The following CAMK2D variants were observed in gnomAD, a reference collection of about 807,000 sequenced individuals.
CAMK2D encodes the protein calcium/calmodulin-dependent protein kinase type II subunit delta.
Under a neutral mutation model 84.0 loss-of-function variants are expected in CAMK2D, and 37 were observed. The ratio of observed to expected loss-of-function variants is 0.44; its 90% CI spans 0.34 to 0.58. The LOEUF (loss-of-function observed/expected upper bound fraction) is 0.58. Among genes scored for constraint, CAMK2D ranks in the 20% least tolerant of loss-of-function variants. CAMK2D has a pLI of 0.02. For missense variants in CAMK2D, 448 were observed against 652.5 expected, an observed-to-expected ratio of 0.69 and a Z score of 3.41; for synonymous variants, 202 against 212.5, an observed-to-expected ratio of 0.95 and a Z score of 0.43.
chr4:113,753,597 ACTGG>A, intron 2 of CAMK2D: 1 of 168,254 alleles, frequency 5.9e-6, no homozygotes, highest in Non-Finnish European at 1.2e-5. Context: ...AAATCTCTCA[ACTGG>A]AATTAGAGGA....
At chr4:113,707,395 G>C (rs143744906) in intron 2 of CAMK2D, among the ~76,000 whole-genome samples, 1 of 152,262 alleles carries the variant, frequency 6.6e-6, no homozygotes, top group African/African-American at 2.4e-5. Context: ...TAATGTTCTA[G>C]AAATATATGG....
intron 4 of CAMK2D, among the ~76,000 whole-genome samples, chr4:113,600,906 G>C (rs2098949300): frequency 6.6e-6 from 1 of 152,070 alleles, no homozygotes; most frequent in Non-Finnish European, 1.5e-5. Context: ...AAGTGCTGAG[G>C]TTACAAGCAT....
intron 12 of CAMK2D, among the ~76,000 whole-genome samples, chr4:113,510,870 C>G (rs1472026280): frequency 6.6e-6 from 1 of 150,992 alleles, no homozygotes; most frequent in Non-Finnish European, 1.5e-5. Flanking sequence ...AGCAACACAG[C>G]TATTAATTTA....
chr4:113,745,113 A>G (rs2099601365), intron 2 of CAMK2D, among the ~76,000 whole-genome samples: 1 of 152,214 alleles, frequency 6.6e-6, no homozygotes, highest in South Asian at 2.1e-4. Flanking sequence ...GCTACCAAGT[A>G]ACATCATAGA....
At chr4:113,476,623 T>A (rs2097626245) in intron 16 of CAMK2D, among the ~76,000 whole-genome samples, 1 of 152,164 alleles carries the variant, frequency 6.6e-6, no homozygotes, top group East Asian at 1.9e-4. Context: ...AGAATTATGG[T>A]AGAGTCTTGA....
intron 4 of CAMK2D, among the ~76,000 whole-genome samples, chr4:113,559,259 G>A (rs17592503): frequency 0.036 from 5,535 of 152,078 alleles, 345 homozygotes; most frequent in East Asian, 0.2. Context: ...ATTGGAATTC[G>A]GTAAGCCTAT....
At chr4:113,648,980 C>T (rs1182059677) in intron 3 of CAMK2D, among the ~76,000 whole-genome samples, 1 of 152,148 alleles carries the variant, frequency 6.6e-6, no homozygotes, top group Non-Finnish European at 1.5e-5. Flanking sequence ...TTTTTTCCTC[C>T]TTTGTTGCCT....
intron 16 of CAMK2D, among the ~76,000 whole-genome samples, chr4:113,477,031 G>A (rs982235292): frequency 3.3e-5 from 5 of 152,096 alleles, no homozygotes; most frequent in Admixed American, 3.3e-4. Context: ...TCTCAGAGAG[G>A]CAGATTTCAG....
chr4:113,717,406 C>T (rs1484910497), intron 2 of CAMK2D, among the ~76,000 whole-genome samples: 1 of 151,892 alleles, frequency 6.6e-6, no homozygotes, highest in East Asian at 1.9e-4. Context: ...TTACAGGAAC[C>T]TTTTGGATAA....
intron 3 of CAMK2D, among the ~76,000 whole-genome samples, chr4:113,649,447 G>A (rs374037168): frequency 2.6e-5 from 4 of 152,022 alleles, no homozygotes; most frequent in East Asian, 1.9e-4. Context: ...ATTCAAGTGC[G>A]ACAAAGACTT....
At chr4:113,617,998 C>T (rs1365056003) in intron 3 of CAMK2D, among the ~76,000 whole-genome samples, 1 of 151,956 alleles carries the variant, frequency 6.6e-6, no homozygotes, top group Non-Finnish European at 1.5e-5. Context: ...ATTTTTTATA[C>T]TCTAGCTCAC....
At chr4:113,618,567 T>A (rs2099031370) in intron 3 of CAMK2D, among the ~76,000 whole-genome samples, 1 of 152,192 alleles carries the variant, frequency 6.6e-6, no homozygotes, top group South Asian at 2.1e-4. Flanking sequence ...TTTAAAATCC[T>A]AATACATGTT....
chr4:113,609,213 A>G lies in CAMK2D; in HGVS notation c.221-7T>C. The G allele has an allele frequency of 6.5e-7, 1 of 1,549,838 alleles. No individual in the cohort carries two copies. Reference sequence around the variant, plus strand: ...ATGCTATCATGAAGTCGCACTAGAAAAAAATAAGAGAAGAAAAATTGTGTT... The same window carrying G: ...ATGCTATCATGAAGTCGCACTAGAAGAAAATAAGAGAAGAAAAATTGTGTT... On this transcript the variant is annotated splice_region_variant and splice_polypyrimidine_tract_variant and intron_variant, in intron 3 of 20. Transcript: ENST00000511664.
intron 3 of CAMK2D, among the ~76,000 whole-genome samples, chr4:113,645,118 G>A (rs1347811370): frequency 6.6e-6 from 1 of 152,108 alleles, no homozygotes; most frequent in Non-Finnish European, 1.5e-5. Flanking sequence ...CCGGGTTCAC[G>A]CCATTCTCCT....
intron 4 of CAMK2D, among the ~76,000 whole-genome samples, chr4:113,583,386 G>C (rs548179393): frequency 6.6e-6 from 1 of 152,238 alleles, no homozygotes; most frequent in African/African-American, 2.4e-5. Flanking sequence ...CCACTAAGAA[G>C]AGATTAAAAA....
intron 2 of CAMK2D, among the ~76,000 whole-genome samples, chr4:113,741,744 T>C (rs1180211456): frequency 6.6e-6 from 1 of 152,146 alleles, no homozygotes; most frequent in African/African-American, 2.4e-5. Flanking sequence ...ATTCCTTAAC[T>C]TGGCTAAAAG....
chr4:113,605,737 A>G (rs1018518149), intron 4 of CAMK2D, among the ~76,000 whole-genome samples: 1 of 152,192 alleles, frequency 6.6e-6, no homozygotes, highest in African/African-American at 2.4e-5. Context: ...TCACCTAGCC[A>G]TAAGGAACCA....
At chr4:113,472,256 G>A (rs1366015857) in intron 16 of CAMK2D, among the ~76,000 whole-genome samples, 11 of 152,134 alleles carry the variant, frequency 7.2e-5, no homozygotes, top group Non-Finnish European at 4.4e-5. Context: ...TATATGGTTA[G>A]ACAATATATA....
intron 16 of CAMK2D, among the ~76,000 whole-genome samples, chr4:113,478,850 G>C (rs1347868139): frequency 1.3e-5 from 2 of 151,940 alleles, no homozygotes; most frequent in Non-Finnish European, 2.9e-5. Context: ...TTGTACAATT[G>C]TAAAAAAAAT....
Sources: allele counts gnomAD v4.1 joint callset (sites outside exome capture counted in the v4.1 genomes callset), GRCh38; gene constraint gnomAD v4.1.1; transcripts MANE v1.5; gene names NCBI Gene and HGNC (gene_info 2026-07-23, HGNC 2026-07-21).